The following SYCP2L variants were observed in gnomAD, a reference collection of about 807,000 sequenced individuals.
The protein encoded by SYCP2L is synaptonemal complex protein 2 like.
Under a neutral mutation model 125.8 loss-of-function variants are expected in SYCP2L, and 98 were observed. That is an observed-to-expected ratio of 0.78 (90% CI 0.66 to 0.92). The LOEUF (loss-of-function observed/expected upper bound fraction) is 0.92. Among genes scored for constraint, SYCP2L ranks in the 40% least tolerant of loss-of-function variants. The probability of loss-of-function intolerance (pLI) is 0.00; values close to 1 mark genes in which losing one functional copy is unlikely to be tolerated. For synonymous variants in SYCP2L, 317 were observed against 325.4 expected (o/e 0.97, Z 0.28); for missense variants, 842 against 936.4 (o/e 0.90, Z 1.32).
intron 9 of SYCP2L, among the ~76,000 whole-genome samples, chr6:10,906,722 C>T (rs4509112): frequency 0.53 from 79,584 of 151,432 alleles, 24,127 homozygotes; most frequent in East Asian, 0.79. Flanking sequence ...CTCAGCCTCC[C>T]GAGTAGCTGG....
At position 10,954,992 on chromosome 6, in the gene SYCP2L, A is replaced by C. The variant is rs1781476119; in HGVS notation, c.1955-124A>C. The stretch of plus-strand genomic sequence containing the variant: ...TTGTGCCTAGTCGATGCACCGAATG[A>C]TAACTCATTAGCAACAGGCAGGGGA... On this transcript the variant is annotated intron_variant, in intron 23 of 29. Coordinates refer to ENST00000283141, the MANE Select transcript of SYCP2L (RefSeq NM_001040274.3). This position sits in a 1 kb window ranked among gnomAD's most constrained non-coding sequence, Gnocchi z 4.8. 3 of 688,436 alleles carry C rather than the reference A, an allele frequency of 4.4e-6. No homozygotes were observed. Among genetic ancestry groups the C allele is most frequent in the South Asian group, 3.5e-5 (2 of 57,710 alleles). 42.6% of individuals were successfully genotyped at this position (688,436 alleles called of 1,614,324 possible).
At chr6:10,890,895 A>G (rs377117760) in intron 1 of SYCP2L, among the ~76,000 whole-genome samples, 5 of 152,294 alleles carry the variant, frequency 3.3e-5, no homozygotes, top group East Asian at 1.9e-4. Context: ...TCTTCCACAT[A>G]TAAATATCCA....
chr6:10,928,551 C>T, intron 18 of SYCP2L, 101 bp downstream of exon 18: 1 of 1,402,388 alleles, frequency 7.1e-7, no homozygotes, highest in Non-Finnish European at 9.3e-7. Context: ...TTCTCCTGGC[C>T]AACCATCTGT....
chr6:10,889,190 G>A (rs1316205671), intron 1 of SYCP2L, among the ~76,000 whole-genome samples: 1 of 152,174 alleles, frequency 6.6e-6, no homozygotes, highest in Non-Finnish European at 1.5e-5. Context: ...AGCTTTAGCT[G>A]TTCCTCCTAT....
At chr6:10,950,846 A>G (rs1462420953) in intron 23 of SYCP2L, among the ~76,000 whole-genome samples, 7 of 152,130 alleles carry the variant, frequency 4.6e-5, no homozygotes, top group Non-Finnish European at 1.0e-4. Context: ...ATTTTCGTAG[A>G]GACAGGGATT....
chr6:10,934,062 G>A (rs978188424), intron 20 of SYCP2L, among the ~76,000 whole-genome samples: 1 of 152,244 alleles, frequency 6.6e-6, no homozygotes, highest in African/African-American at 2.4e-5. Context: ...ATGAGTAGTC[G>A]CTTTGCTTTG....
intron 28 of SYCP2L, 23 bp downstream of exon 28, chr6:10,961,581 T>C (rs1303394285): frequency 6.2e-7 from 1 of 1,612,636 alleles, no homozygotes; most frequent in African/African-American, 1.3e-5. Flanking sequence ...GTGTTCTTTC[T>C]AGAAGAATCT....
At position 10,937,022 on chromosome 6, in the gene SYCP2L, G is replaced by A. The variant is rs565328287; in HGVS notation, c.1813+1835G>A. 5.3e-5 allele frequency among the ~76,000 whole-genome samples: 8 copies of A among 152,294 alleles called. No individual in the cohort carries two copies. In the East Asian group the frequency reaches 1.2e-3, roughly 22 times the overall value. On this transcript the variant is annotated intron_variant, in intron 21 of 29. Transcript: ENST00000283141. ...TTTAATTACCCCACCTTCAATAGTC[G>A]ATAGATTATCCAGATAGAAAATCAA...
rs756434965 is a variant in SYCP2L, at chr6:10,910,855, G to A, written c.904G>A (p.Ala302Thr). 24 of 1,613,852 alleles carry A rather than the reference G, an allele frequency of 1.5e-5. No individual in the cohort carries two copies. The Admixed American group carries it at 3.3e-4, about 22-fold the overall frequency. The change falls in exon 12 of 30, where the codon GCT becomes ACT. Residue 302 changes from alanine (A) to threonine (T), a missense_variant. Physicochemically the swap from Ala to Thr is moderately conservative, Grantham distance 58 (BLOSUM62 0). Transcript: ENST00000283141. ...TTCATTTCCGTGTATTGCTGCTTTT[G>A]CTGATGAGCATGAGGTATGTTCATC... is the stretch of plus-strand genomic sequence containing the variant. ...VYSFPCIAAF[A>T]DEHEMRKPAD... is the part of the protein sequence containing the mutation.
chr6:10,912,614 A>G lies in SYCP2L; in HGVS notation c.919-59A>G. ...TTCTATTTTCAAGGGAATAATGTTT[A>G]TCTGACCCTATAGCATGATTTTTAT... On this transcript the variant is annotated intron_variant, in intron 12 of 29. Coordinates refer to ENST00000283141, the MANE Select transcript of SYCP2L (RefSeq NM_001040274.3). The surrounding 1 kb of genome is among the most constrained non-coding windows in gnomAD (Gnocchi z 4.1). The G allele has an allele frequency of 8.1e-7, 1 of 1,233,558 alleles. No homozygotes were observed. The highest frequency in any genetic ancestry group is 1.2e-6 in the Non-Finnish European group (1 of 849,742). 76.4% of individuals were successfully genotyped at this position (1,233,558 alleles called of 1,614,324 possible).
intron 23 of SYCP2L, among the ~76,000 whole-genome samples, chr6:10,953,085 C>T (rs1195638274): frequency 2.0e-5 from 3 of 152,126 alleles, no homozygotes; most frequent in Non-Finnish European, 4.4e-5. Context: ...TTATAGAATA[C>T]TAATTAGGGT....
intron 23 of SYCP2L, among the ~76,000 whole-genome samples, chr6:10,950,044 C>T (rs540505484): frequency 3.0e-4 from 46 of 152,218 alleles, no homozygotes; most frequent in African/African-American, 1.0e-3. Context: ...TTAACACACA[C>T]ACTTTTAAAA....
At chr6:10,895,613 G>C (rs867906048) in intron 4 of SYCP2L, among the ~76,000 whole-genome samples, 25 of 138,592 alleles carry the variant, frequency 1.8e-4, no homozygotes, top group Non-Finnish European at 9.6e-5. Flanking sequence ...AAGGCAAAAA[G>C]GAGAAAGGAG....
intron 23 of SYCP2L, among the ~76,000 whole-genome samples, chr6:10,949,721 C>CTTTTTTT (rs33952119): frequency 8.2e-6 from 1 of 121,516 alleles, no homozygotes; most frequent in Non-Finnish European, 1.7e-5. Flanking sequence ...CCTGATACAT[C>CTTTTTTT]TTTTTTTTTT....
At chr6:10,905,164 A>AAG (rs1561682668) in intron 8 of SYCP2L, among the ~76,000 whole-genome samples, 1 of 143,060 alleles carries the variant, frequency 7.0e-6, no homozygotes, top group East Asian at 1.9e-4. Flanking sequence ...AAAAAAAAAA[A>AAG]AAGAAGAAGA....
chr6:10,909,043 T>C (rs1335237595), intron 10 of SYCP2L, among the ~76,000 whole-genome samples: 1 of 151,906 alleles, frequency 6.6e-6, no homozygotes, highest in Non-Finnish European at 1.5e-5. Context: ...GAAAATTTGA[T>C]GAAAATAGAG....
At chr6:10,889,284 TATTA>T (rs1425011118) in intron 1 of SYCP2L, among the ~76,000 whole-genome samples, 1 of 152,206 alleles carries the variant, frequency 6.6e-6, no homozygotes, top group Non-Finnish European at 1.5e-5. Flanking sequence ...TTGACACATA[TATTA>T]ATTGACACAT....
intron 29 of SYCP2L, among the ~76,000 whole-genome samples, chr6:10,972,007 A>G (rs1210571308): frequency 1.3e-5 from 2 of 152,238 alleles, no homozygotes; most frequent in Admixed American, 1.3e-4. Flanking sequence ...TAATTGATAT[A>G]CTAAATATAT....
intron 4 of SYCP2L, among the ~76,000 whole-genome samples, chr6:10,895,181 A>C (rs1424958093): frequency 1.3e-5 from 2 of 152,220 alleles, no homozygotes; most frequent in Non-Finnish European, 2.9e-5. Context: ...AACAGGAAGC[A>C]GGGGAAAGGA....
Sources: gnomAD v4.1 joint callset for allele counts (sites outside exome capture counted in the v4.1 genomes callset) on GRCh38, gnomAD v4.1.1 for gene constraint, Gnocchi (gnomAD v3.1) non-coding constraint, MANE v1.5 for transcripts, NCBI Gene and HGNC (gene_info 2026-07-23, HGNC 2026-07-21) for gene names.